Variants in ELP1 observed in about 807,000 individuals in gnomAD.
The protein encoded by ELP1 is elongator complex protein 1.
Under a neutral mutation model 183.2 loss-of-function variants are expected in ELP1, and 131 were observed. The ratio of observed to expected loss-of-function variants is 0.72; its 90% CI spans 0.62 to 0.83. The LOEUF (loss-of-function observed/expected upper bound fraction) is 0.83. Among genes scored for constraint, ELP1 ranks in the 40% least tolerant of loss-of-function variants. ELP1 has a pLI of 0.00. For missense variants in ELP1, 1,550 were observed against 1,594.9 expected (o/e 0.97, Z 0.48); for synonymous variants, 555 against 569.0 (o/e 0.98, Z 0.35).
Position 108,933,763 on chromosome 9 carries a change from C to G in ELP1, c.-56+101G>C, listed in dbSNP as rs2275637. 0.22 allele frequency: 33,358 copies of G among 152,790 alleles called. 4,494 individuals carry two copies. Among genetic ancestry groups the G allele is most frequent in the East Asian group, 0.3 (1,550 of 5,164 alleles). The allele number at this position is 152,790 out of a possible 1,614,324, so 9.5% of individuals were successfully genotyped here. On this transcript the variant is annotated intron_variant, in intron 1 of 36. Transcript: ENST00000374647. ...AGGTGGTGCAGCCCGCACTCCAGTC[C>G]CCGGCCCGCAGCAGGCAGAGGAGGC... is the stretch of plus-strand genomic sequence containing the variant.
At chr9:108,871,141 G>C (rs1261840475) in intron 36 of ELP1, among the ~76,000 whole-genome samples, 1 of 152,022 alleles carries the variant, frequency 6.6e-6, no homozygotes. Flanking sequence ...AACAATGATG[G>C]CATCATTGAT....
intron 8 of ELP1, among the ~76,000 whole-genome samples, chr9:108,918,473 T>C (rs1829528367): frequency 6.6e-6 from 1 of 152,200 alleles, no homozygotes; most frequent in African/African-American, 2.4e-5. Context: ...AAACTGGGCC[T>C]TCCCTTCTAA....
intron 27 of ELP1, among the ~76,000 whole-genome samples, chr9:108,892,034 C>T (rs1490431395): frequency 6.6e-6 from 1 of 152,190 alleles, no homozygotes; most frequent in African/African-American, 2.4e-5. Flanking sequence ...CTCGATTCTC[C>T]AGGCTGGATG....
intron 35 of ELP1, among the ~76,000 whole-genome samples, chr9:108,877,402 C>T (rs9299166): frequency 0.22 from 33,080 of 152,032 alleles, 4,006 homozygotes; most frequent in African/African-American, 0.32. Flanking sequence ...TTGACTGATA[C>T]ACCAGCCTTT....
At chr9:108,918,151 C>T (rs991552730) in intron 8 of ELP1, among the ~76,000 whole-genome samples, 1 of 152,144 alleles carries the variant, frequency 6.6e-6, no homozygotes, top group Non-Finnish European at 1.5e-5. Context: ...AATTCAAATA[C>T]ATTTCTCTTC....
chr9:108,911,912 A>AT (rs1258883889), intron 11 of ELP1, among the ~76,000 whole-genome samples: 1 of 152,202 alleles, frequency 6.6e-6, no homozygotes, highest in African/African-American at 2.4e-5. Context: ...ATAAGGGTCA[A>AT]TTATAAATCT....
intron 16 of ELP1, 72 bp downstream of exon 16, chr9:108,902,767 G>T: frequency 8.8e-7 from 1 of 1,140,818 alleles, no homozygotes; most frequent in Non-Finnish European, 1.3e-6. Context: ...CAAAGCCCAC[G>T]CTCTTTCTAC....
At chr9:108,907,881 C>G (rs1052886501) in intron 13 of ELP1, among the ~76,000 whole-genome samples, 4 of 152,134 alleles carry the variant, frequency 2.6e-5, no homozygotes, top group African/African-American at 4.8e-5. Flanking sequence ...ATTTCCATCC[C>G]AGGAGCCTCA....
intron 25 of ELP1, 128 bp from the exon 26 acceptor site, chr9:108,894,194 A>T: frequency 1.9e-6 from 1 of 517,714 alleles, no homozygotes; most frequent in Non-Finnish European, 3.3e-6. Context: ...TATTAACTGC[A>T]TATTATATAA....
intron 5 of ELP1, among the ~76,000 whole-genome samples, chr9:108,924,940 T>C (rs192671407): frequency 1.1e-3 from 170 of 152,340 alleles, no homozygotes; most frequent in Non-Finnish European, 2.1e-3. Flanking sequence ...AAATTGGTAT[T>C]TCTCAAACTG....
intron 4 of ELP1, among the ~76,000 whole-genome samples, chr9:108,926,878 T>C (rs1380446797): frequency 1.3e-5 from 2 of 152,202 alleles, no homozygotes; most frequent in Non-Finnish European, 2.9e-5. Flanking sequence ...CAACACTCCT[T>C]GTCCCCAAGA....
intron 24 of ELP1, 152 bp downstream of exon 24, chr9:108,896,801 G>T: frequency 9.8e-7 from 1 of 1,017,894 alleles, no homozygotes; most frequent in Non-Finnish European, 1.5e-6. Flanking sequence ...TTAGAGGGCA[G>T]CACTGAAAAA....
chr9:108,889,762 T>C (rs1828253345), intron 28 of ELP1: 3 of 321,560 alleles, frequency 9.3e-6, no homozygotes, highest in Non-Finnish European at 1.8e-5. Context: ...CTTTAGATCC[T>C]AGAATCACTC....
chr9:108,884,250 G>C (rs1466201536), intron 29 of ELP1, among the ~76,000 whole-genome samples: 1 of 152,112 alleles, frequency 6.6e-6, no homozygotes, highest in Non-Finnish European at 1.5e-5. Flanking sequence ...ACCTATAACA[G>C]AGCTTCAAAA....
chr9:108,871,884 G>A (rs964064883), intron 36 of ELP1, among the ~76,000 whole-genome samples: 12 of 152,214 alleles, frequency 7.9e-5, no homozygotes, highest in Admixed American at 7.2e-4. Flanking sequence ...TTTCATGCCT[G>A]CTGGCATAAC....
At chr9:108,921,192 C>A (rs1209166715) in intron 6 of ELP1, among the ~76,000 whole-genome samples, 1 of 152,058 alleles carries the variant, frequency 6.6e-6, no homozygotes, top group Non-Finnish European at 1.5e-5. Context: ...TAGCCATCAC[C>A]ATAATCTAAA....
In ELP1 at chr9:108,911,162, A is replaced by G. The variant is rs1471308928; in HGVS notation, c.1208T>C (p.Val403Ala). The G allele has an allele frequency of 1.2e-6, 2 of 1,614,190 alleles. No homozygotes were observed. The highest frequency in any genetic ancestry group is 1.7e-6 in the Non-Finnish European group (2 of 1,180,016). ...VIDGNRVLVT[V>A]FRQTVVPPPM... is the part of the protein sequence containing the mutation. ...AGGCGGAACCACAGTCTGCCGGAAG[A>G]CTGTCACCAACACCCTGTCTGCAGT... The change falls in exon 12 of 37, where the codon GTC becomes GCC. Residue 403 changes from valine (V) to alanine (A), a missense_variant. Transcript: ENST00000374647.
At chr9:108,870,969 A>ACT (rs1827429448) in intron 36 of ELP1, among the ~76,000 whole-genome samples, 2 of 83,566 alleles carry the variant, frequency 2.4e-5, no homozygotes, top group Non-Finnish European at 4.4e-5. Context: ...TTCATGCACC[A>ACT]TTTTTTTTTT....
At position 108,875,023 on chromosome 9, in the gene ELP1, TG is replaced by T. The variant is rs1827651360; in HGVS notation, c.3856-54del. On this transcript the variant is annotated intron_variant, in intron 35 of 36. Transcript: ENST00000374647. ...AAGATTATCTAATACTTCTCAAGAC[TG>T]CCAATACCAAAGGCCAAATCCCTAC... 3.1e-6 allele frequency: 4 copies of T among 1,279,980 alleles called. No individual in the cohort carries two copies. In the South Asian group the frequency reaches 4.7e-5, roughly 15 times the overall value. The allele number at this position is 1,279,980 out of a possible 1,614,324, so 79.3% of individuals were successfully genotyped here.
Sources: gnomAD v4.1 joint callset for allele counts (sites outside exome capture counted in the v4.1 genomes callset) on GRCh38, gnomAD v4.1.1 for gene constraint, MANE v1.5 for transcripts, NCBI Gene and HGNC (gene_info 2026-07-23, HGNC 2026-07-21) for gene names.